The following VMA21 variants were observed in gnomAD, a reference collection of about 807,000 sequenced individuals.
VMA21 encodes vacuolar ATPase assembly factor VMA21, also known as vacuolar ATPase assembly integral membrane protein VMA21.
For synonymous variants in VMA21, 47 were observed against 34.1 expected, an observed-to-expected ratio of 1.38 and a Z score of -1.32; for missense variants, 61 against 80.6, an observed-to-expected ratio of 0.76 and a Z score of 0.93.
rs565375574 is a variant in VMA21, at chrX:151,404,222, C to T, written c.163+482C>T. Among the ~76,000 whole-genome samples the T allele has an allele frequency of 3.9e-4, 43 of 110,256 alleles. 1 individual carries two copies. The South Asian group carries it at 0.016, about 41-fold the overall frequency. On this transcript the variant is annotated intron_variant, in intron 2 of 2. Coordinates refer to ENST00000330374, the MANE Select transcript of VMA21 (RefSeq NM_001017980.4). ...CTGAGTATCTGGGATTACAGGCACC[C>T]GCCACTACACCCGACTGATTTTTGG...
At chrX:151,397,483 G>A in intron 1 of VMA21, 122 bp downstream of exon 1, 1 of 825,855 alleles carries the variant, frequency 1.2e-6, no homozygotes. Context: ...TGGCCTCAGG[G>A]AAGGGGGCGG....
At chrX:151,397,085 GCCGGCAACAGC>G (rs1417110356), upstream of VMA21, 1 of 434,625 alleles carries the variant, frequency 2.3e-6, no homozygotes, top group Non-Finnish European at 4.0e-6. Flanking sequence ...CCGCCCCCGC[GCCGGCAACAGC>G]CCTGCGTCGC....
upstream of VMA21, chrX:151,397,011 G>C (rs891766489): frequency 5.1e-5 from 26 of 514,846 alleles, no homozygotes; most frequent in Non-Finnish European, 7.7e-5. Context: ...CCTGCTCCTC[G>C]AGCACAGGCC....
intron 1 of VMA21, among the ~76,000 whole-genome samples, chrX:151,398,181 G>GT (rs34263160): frequency 0.25 from 22,068 of 88,910 alleles, 4,476 homozygotes; most frequent in African/African-American, 0.64. Context: ...GTCATTGTGA[G>GT]TTTTTTTTTT....
upstream of VMA21, chrX:151,396,654 GT>G (rs770175443): frequency 1.7e-3 from 671 of 391,635 alleles, 1 homozygote; most frequent in South Asian, 7.5e-3. Context: ...TCGGGTGAGT[GT>G]TTTAACTCCT....
rs147315626 is a variant in VMA21 at position 151,409,237 on chromosome X, C to T, written c.*4179C>T. 39 of 111,396 alleles carry T rather than the reference C, an allele frequency of 3.5e-4. No homozygotes were observed. Among genetic ancestry groups the T allele is most frequent in the African/African-American group, 1.1e-3 (34 of 30,664 alleles). 9.2% of individuals were successfully genotyped at this position (111,396 alleles called of 1,213,427 possible). On this transcript the variant is annotated 3_prime_UTR_variant, in exon 3 of 3. Coordinates refer to ENST00000330374, the MANE Select transcript of VMA21 (RefSeq NM_001017980.4). The stretch of plus-strand genomic sequence containing the variant: ...CTTGAGTTCTTTAGCTACTTGAATC[C>T]GATTTACTTCTGTTAAGTGATGCTT...
At chrX:151,404,804 T>G in intron 2 of VMA21, 112 bp from the exon 3 acceptor site, 1 of 906,010 alleles carries the variant, frequency 1.1e-6, no homozygotes, top group Middle Eastern at 3.0e-4. Flanking sequence ...TACTTTTTAA[T>G]TGCCTGACTA....
At chrX:151,399,641 A>G (rs939124301) in intron 1 of VMA21, among the ~76,000 whole-genome samples, 2 of 111,938 alleles carry the variant, frequency 1.8e-5, no homozygotes, top group Non-Finnish European at 3.8e-5. Flanking sequence ...TACACAATAA[A>G]TTTCTCTAAA....
chrX:151,397,708 C>T (rs1219931932), intron 1 of VMA21, among the ~76,000 whole-genome samples: 4 of 112,387 alleles, frequency 3.6e-5, no homozygotes, highest in African/African-American at 1.3e-4. Flanking sequence ...TCTCCGTGTT[C>T]CCTAGGGGGC....
chrX:151,401,184 A>T, intron 1 of VMA21, among the ~76,000 whole-genome samples: 1 of 111,312 alleles, frequency 9.0e-6, no homozygotes, highest in Non-Finnish European at 1.9e-5. Context: ...TAGTTATTTT[A>T]TCCATTTTGG....
At chrX:151,397,099 TGCGTCGCTGCGGCGCGCC>T, upstream of VMA21, 2 of 362,096 alleles carry the variant, frequency 5.5e-6, no homozygotes, top group Non-Finnish European at 9.1e-6. Context: ...GCAACAGCCC[TGCGTCGCTGCGGCGCGCC>T]GCGCCGCGCC....
At chrX:151,400,514 T>A (rs993365515) in intron 1 of VMA21, among the ~76,000 whole-genome samples, 3 of 111,948 alleles carry the variant, frequency 2.7e-5, no homozygotes, top group African/African-American at 9.7e-5. Context: ...GCAATGAACA[T>A]GGAAGTGCAG....
rs566090148 is a variant in VMA21 at position 151,404,789 on chromosome X, A to G, written c.164-127A>G. On this transcript the variant is annotated intron_variant, in intron 2 of 2. Transcript: ENST00000330374. Reference sequence around the variant, plus strand: ...GAATACTTTATTCATTACCACCCAAAATATTACTTTTTAATTGCCTGACTA... The same window carrying G: ...GAATACTTTATTCATTACCACCCAAGATATTACTTTTTAATTGCCTGACTA... The G allele has an allele frequency of 4.4e-5, 35 of 797,712 alleles. No individual in the cohort carries two copies. In the South Asian group the frequency reaches 7.2e-4, roughly 17 times the overall value. 65.7% of individuals were successfully genotyped at this position (797,712 alleles called of 1,213,427 possible).
In VMA21 at chrX:151,406,198, AT is replaced by A. The variant is rs2011290180; in HGVS notation, c.*1141del. On this transcript the variant is annotated 3_prime_UTR_variant, in exon 3 of 3. Transcript: ENST00000330374. Reference sequence around the variant, plus strand: ...TTCCCCATAATGTTGCCATCTAAAAATAACCTCTATTTTAGTTGATATCCCG... The same window carrying A: ...TTCCCCATAATGTTGCCATCTAAAAAAACCTCTATTTTAGTTGATATCCCG... 1 of 111,804 alleles carries A rather than the reference AT, an allele frequency of 8.9e-6. No individual in the cohort carries two copies. The highest frequency in any genetic ancestry group is 3.7e-4 in the South Asian group (1 of 2,681). 9.2% of individuals were successfully genotyped at this position (111,804 alleles called of 1,213,427 possible). A position where few individuals can be genotyped will look rare whatever the true frequency, so the allele number is the denominator to read the frequency against.
In VMA21 at chrX:151,397,377, G is replaced by C; in HGVS notation, c.53+16G>C. 9.5e-6 allele frequency: 11 copies of C among 1,159,820 alleles called. No homozygotes were observed. The highest frequency in any genetic ancestry group is 1.8e-5 in the African/African-American group (1 of 56,515). On this transcript the variant is annotated intron_variant, in intron 1 of 2. Transcript: ENST00000330374. ...CTGAGTTCAGGTAGCCCTGAGCGGG[G>C]CCTGGACCGCGAGGCGGACTGGCCC... is the stretch of plus-strand genomic sequence containing the variant.
chrX:151,398,772 C>T (rs1157609408), intron 1 of VMA21, among the ~76,000 whole-genome samples: 1 of 112,110 alleles, frequency 8.9e-6, no homozygotes, highest in African/African-American at 3.2e-5. Context: ...GTGGTAGGCT[C>T]TGTCTGCTCA....
rs34263160 is a variant in VMA21, at chrX:151,398,181, G to GTT, written c.53+837_53+838dup. Among the ~76,000 whole-genome samples the GTT allele has an allele frequency of 1.5e-3, 137 of 88,969 alleles. 1 individual carries two copies. The highest frequency in any genetic ancestry group is 6.2e-3 in the Middle Eastern group (1 of 162). 77.3% of individuals were successfully genotyped at this position (88,969 alleles called of 115,157 possible). The stretch of plus-strand genomic sequence containing the variant: ...TCTCTTTCCGACAGGGTCATTGTGA[G>GTT]TTTTTTTTTTTTTTTTTTAACTTTT... On this transcript the variant is annotated intron_variant, in intron 1 of 2. Coordinates refer to ENST00000330374, the MANE Select transcript of VMA21 (RefSeq NM_001017980.4).
chrX:151,397,877 C>T (rs1007322530), intron 1 of VMA21, among the ~76,000 whole-genome samples: 33 of 111,730 alleles, frequency 3.0e-4, no homozygotes, highest in African/African-American at 1.1e-3. Flanking sequence ...CTGGCCCACC[C>T]CAGTAGGCAA....
At chrX:151,404,812 C>T (rs1485711006) in intron 2 of VMA21, 104 bp from the exon 3 acceptor site, 2 of 953,836 alleles carry the variant, frequency 2.1e-6, no homozygotes, top group African/African-American at 3.9e-5. Context: ...AATTGCCTGA[C>T]TAGTTAAATA....
Sources: allele counts gnomAD v4.1 joint callset (sites outside exome capture counted in the v4.1 genomes callset), GRCh38; gene constraint gnomAD v4.1.1; transcripts MANE v1.5; gene names NCBI Gene and HGNC (gene_info 2026-07-23, HGNC 2026-07-21).